The following ADCY9 variants were observed in gnomAD, a reference collection of about 807,000 sequenced individuals.
ADCY9 encodes adenylate cyclase 9.
ADCY9 carries 50 observed loss-of-function variants against 101.5 expected under a neutral mutation model. The ratio of observed to expected loss-of-function variants is 0.49; its 90% CI spans 0.39 to 0.62. The LOEUF is 0.62. ADCY9 is among the 20% of genes least tolerant of loss of function. ADCY9 has a pLI of 0.00. For synonymous variants in ADCY9, 905 were observed against 769.3 expected (o/e 1.18, Z -2.92); for missense variants, 1,662 against 1,800.4 (o/e 0.92, Z 1.39).
At chr16:4,023,362 C>A (rs1346802793) in intron 2 of ADCY9, among the ~76,000 whole-genome samples, 1 of 152,208 alleles carries the variant, frequency 6.6e-6, no homozygotes, top group Non-Finnish European at 1.5e-5. Flanking sequence ...GAATACCCAA[C>A]ATGCGGTTTG....
chr16:4,079,175 C>T (rs2056886597), intron 2 of ADCY9, among the ~76,000 whole-genome samples: 1 of 152,200 alleles, frequency 6.6e-6, no homozygotes, highest in South Asian at 2.1e-4. Flanking sequence ...TGATTCAAAG[C>T]TGGAAACAAT....
At chr16:4,037,576 T>C (rs940848146) in intron 2 of ADCY9, among the ~76,000 whole-genome samples, 2 of 152,198 alleles carry the variant, frequency 1.3e-5, no homozygotes, top group Admixed American at 6.5e-5. Context: ...GGTAGATATC[T>C]AGTAGTGGGA....
chr16:4,100,689 G>A (rs8052241), intron 2 of ADCY9, among the ~76,000 whole-genome samples: 17,100 of 148,942 alleles, frequency 0.11, 1,474 homozygotes, highest in East Asian at 0.43. Flanking sequence ...GCTACAGTGA[G>A]CCGAGATTAT....
At chr16:4,012,466 C>T (rs528032271) in intron 2 of ADCY9, among the ~76,000 whole-genome samples, 399 of 75,318 alleles carry the variant, frequency 5.3e-3, no homozygotes, top group Admixed American at 8.2e-3. Context: ...TCTTTTGCAG[C>T]AGAAGGTCCA....
intron 2 of ADCY9, among the ~76,000 whole-genome samples, chr16:4,014,775 C>T (rs1430527276): frequency 1.1e-4 from 3 of 28,218 alleles, no homozygotes; most frequent in African/African-American, 1.4e-4. Flanking sequence ...AGCATGTGCA[C>T]GCATTCTCTC....
At chr16:3,981,118 C>T (rs2056138775) in intron 7 of ADCY9, among the ~76,000 whole-genome samples, 1 of 152,206 alleles carries the variant, frequency 6.6e-6, no homozygotes. Context: ...CTCTCCCAGG[C>T]TTGACGATTC....
In ADCY9 at chr16:4,115,516, C is replaced by T; in HGVS notation, c.-43-31G>A. The T allele has an allele frequency of 1.4e-6, 2 of 1,456,046 alleles. No homozygotes were observed. The highest frequency in any genetic ancestry group is 1.8e-6 in the Non-Finnish European group (2 of 1,105,830). 90.2% of individuals were successfully genotyped at this position (1,456,046 alleles called of 1,614,324 possible). A position where few individuals can be genotyped will look rare whatever the true frequency, so the allele number is the denominator to read the frequency against. On this transcript the variant is annotated intron_variant, in intron 1 of 10. Transcript: ENST00000294016. The surrounding 1 kb of genome is among the most constrained non-coding windows in gnomAD (Gnocchi z 6.2). ...AGCAAAACGGGGAGAGTTAGCGGCG[C>T]TCCCACCTAGGCATGCACGCCTAGA...
chr16:4,024,089 C>T (rs2056497055), intron 2 of ADCY9, among the ~76,000 whole-genome samples: 1 of 151,728 alleles, frequency 6.6e-6, no homozygotes, highest in African/African-American at 2.4e-5. Flanking sequence ...ATGACACAAT[C>T]TCGGCTCACT....
chr16:4,052,278 T>C (rs1007519073), intron 2 of ADCY9, among the ~76,000 whole-genome samples: 6 of 152,202 alleles, frequency 3.9e-5, no homozygotes, highest in African/African-American at 1.4e-4. Flanking sequence ...GCGCCTGTGG[T>C]CCTGGGCGGG....
At chr16:3,983,494 G>A in intron 6 of ADCY9, 54 bp from the exon 7 acceptor site, 1 of 1,463,718 alleles carries the variant, frequency 6.8e-7, no homozygotes, top group East Asian at 2.4e-5. Context: ...GCGGCCAGGA[G>A]CGCAGTTCAG....
At chr16:4,057,965 C>T (rs1445305234) in intron 2 of ADCY9, among the ~76,000 whole-genome samples, 3 of 152,000 alleles carry the variant, frequency 2.0e-5, no homozygotes, top group Non-Finnish European at 4.4e-5. Flanking sequence ...TCGAGACCAG[C>T]CTGGCCAACA....
At chr16:4,029,967 T>G (rs865922875) in intron 2 of ADCY9, among the ~76,000 whole-genome samples, 12 of 152,084 alleles carry the variant, frequency 7.9e-5, no homozygotes, top group African/African-American at 2.9e-4. Flanking sequence ...CCAGAGTGGC[T>G]GCAATTCAAC....
At chr16:3,980,635 C>T (rs1442271350) in intron 7 of ADCY9, among the ~76,000 whole-genome samples, 2 of 152,238 alleles carry the variant, frequency 1.3e-5, no homozygotes, top group African/African-American at 4.8e-5. Flanking sequence ...CGAGGGAACG[C>T]TCACTCTCCA....
Position 3,974,677 on chromosome 16 carries a change from C to G in ADCY9, c.2862G>C (p.Gln954His). ...CAATATTAAAAGCTTACCTGAAATT[C>G]TGTACTGCGTCAAGGGGCGAAGTTA... Reference protein sequence around the residue: ...SVLTSPLDAVQNFSSERNPCN... With the variant: ...SVLTSPLDAVHNFSSERNPCN... Residue 954 changes from glutamine (Q) to histidine (H), a missense_variant, in exon 10 of 11, where the codon CAG becomes CAC. This residue lies in a region of ADCY9 where 624 missense variants were observed against 639.1 expected (regional missense o/e 0.98). Coordinates refer to ENST00000294016, the MANE Select transcript of ADCY9 (RefSeq NM_001116.4). The G allele has an allele frequency of 6.2e-7, 1 of 1,612,716 alleles. No homozygotes were observed.
intron 2 of ADCY9, among the ~76,000 whole-genome samples, chr16:4,106,761 T>C (rs1438378960): frequency 6.6e-6 from 1 of 152,198 alleles, no homozygotes; most frequent in Non-Finnish European, 1.5e-5. Flanking sequence ...GACAGATTAA[T>C]GTGGGTTGGT....
chr16:4,073,588 G>A (rs1260495338), intron 2 of ADCY9, among the ~76,000 whole-genome samples: 2 of 152,132 alleles, frequency 1.3e-5, no homozygotes, highest in African/African-American at 4.8e-5. Flanking sequence ...TAGAGACAGG[G>A]TTTTGCCATG....
rs374121681 is a variant in ADCY9 at position 4,002,047 on chromosome 16, G to A, written c.1884+5321C>T. Reference sequence around the variant, plus strand: ...TACAGGTGTGACCACCTCACCTGGCGGAGACTACCCTTTAGTTTTACAACA... The same window carrying A: ...TACAGGTGTGACCACCTCACCTGGCAGAGACTACCCTTTAGTTTTACAACA... On this transcript the variant is annotated intron_variant, in intron 3 of 10. Transcript: ENST00000294016. Among the ~76,000 whole-genome samples, 99 of 152,076 alleles carry A rather than the reference G, an allele frequency of 6.5e-4. 2 individuals are homozygous for A. In the South Asian group the frequency reaches 0.019, roughly 29 times the overall value.
At position 4,115,341 on chromosome 16, in the gene ADCY9, G is replaced by A. The variant is rs758049285; in HGVS notation, c.102C>T (p.Pro34=). Residue 34 remains proline (P), a synonymous_variant, in exon 2 of 11, where the codon CCC becomes CCT. Coordinates refer to ENST00000294016, the MANE Select transcript of ADCY9 (RefSeq NM_001116.4). The surrounding 1 kb of genome is among the most constrained non-coding windows in gnomAD (Gnocchi z 6.2). ...GGTGGCTGTTGGAGGACAGCTGCTTGGGGTTGATCTTGACGCGCACGCTGT... is the reference window on the plus strand; with the variant it reads ...GGTGGCTGTTGGAGGACAGCTGCTTAGGGTTGATCTTGACGCGCACGCTGT... ...DSNSVRVKIN[P]KQLSSNSHPK... 3 of 1,613,322 alleles carry A rather than the reference G, an allele frequency of 1.9e-6. No homozygotes were observed. Among genetic ancestry groups the A allele is most frequent in the Non-Finnish European group, 2.5e-6 (3 of 1,179,730 alleles).
chr16:4,087,127 T>C (rs908676491), intron 2 of ADCY9, among the ~76,000 whole-genome samples: 1 of 152,108 alleles, frequency 6.6e-6, no homozygotes, highest in South Asian at 2.1e-4. Flanking sequence ...TCTGGCTTTC[T>C]TGGTGAGCGT....
Sources: allele counts gnomAD v4.1 joint callset (sites outside exome capture counted in the v4.1 genomes callset), GRCh38; gene constraint gnomAD v4.1.1; regional missense constraint gnomAD v4.1.1; non-coding constraint Gnocchi (gnomAD v3.1); transcripts MANE v1.5; gene names NCBI Gene and HGNC (gene_info 2026-07-23, HGNC 2026-07-21).